HPSE2: variants seen among roughly 807,000 people sequenced by gnomAD.
The protein encoded by HPSE2 is heparanase 2 (inactive), also known as inactive heparanase-2.
A neutral mutation model predicts 60.5 loss-of-function variants in HPSE2; 38 were observed. That is an observed-to-expected ratio of 0.63 (90% CI 0.48 to 0.82). The LOEUF is 0.82. Ranked by LOEUF, HPSE2 falls within the 40% of genes least tolerant of loss-of-function variation. The probability of loss-of-function intolerance (pLI) is 0.00; values close to 1 mark genes in which losing one functional copy is unlikely to be tolerated. For synonymous variants in HPSE2, 295 were observed against 293.2 expected (o/e 1.01, Z -0.06); for missense variants, 713 against 740.4 (o/e 0.96, Z 0.43).
chr10:98,972,857 T>G (rs1335507292), intron 3 of HPSE2, among the ~76,000 whole-genome samples: 1 of 152,160 alleles, frequency 6.6e-6, no homozygotes, highest in African/African-American at 2.4e-5. Context: ...CTCACGTTAA[T>G]GTAGTTCTTC....
rs1024648801 is a variant in HPSE2 at position 98,641,710 on chromosome 10, T to C, written c.1098+137A>G. 32 of 755,212 alleles carry C rather than the reference T, an allele frequency of 4.2e-5. No individual in the cohort carries two copies. In the Middle Eastern group the frequency reaches 9.5e-4, roughly 22 times the overall value. The allele number at this position is 755,212 out of a possible 1,614,324, so 46.8% of individuals were successfully genotyped here. ...AACTGTGATGGGGAGCTTGTGACCA[T>C]GCCCATCTAGACTGCACTATTTTCC... On this transcript the variant is annotated intron_variant, in intron 7 of 11. Transcript: ENST00000370552.
intron 3 of HPSE2, among the ~76,000 whole-genome samples, chr10:98,927,123 G>A (rs1038300891): frequency 6.6e-6 from 1 of 152,052 alleles, no homozygotes; most frequent in Non-Finnish European, 1.5e-5. Flanking sequence ...TATTAGGTCT[G>A]CTTGGTGCAG....
At chr10:98,647,566 G>T (rs1358575966) in intron 6 of HPSE2, among the ~76,000 whole-genome samples, 9 of 152,190 alleles carry the variant, frequency 5.9e-5, no homozygotes, top group Non-Finnish European at 1.5e-5. Context: ...ACTGAAGGGG[G>T]AGAAGCTTGG....
chr10:98,607,372 G>T (rs1236229793), intron 9 of HPSE2, among the ~76,000 whole-genome samples: 1 of 152,174 alleles, frequency 6.6e-6, no homozygotes, highest in Non-Finnish European at 1.5e-5. Flanking sequence ...ATAAATGGCT[G>T]ATGGCAGAGT....
chr10:98,910,327 G>T (rs1953945174), intron 3 of HPSE2, among the ~76,000 whole-genome samples: 2 of 152,052 alleles, frequency 1.3e-5, no homozygotes, highest in African/African-American at 4.8e-5. Context: ...GACTCAAGAA[G>T]GTTTATGAGT....
intron 3 of HPSE2, among the ~76,000 whole-genome samples, chr10:99,084,143 C>T (rs1012718202): frequency 5.3e-5 from 8 of 152,036 alleles, no homozygotes; most frequent in African/African-American, 1.9e-4. Flanking sequence ...CCCTTTGCAG[C>T]AAGGACCATA....
chr10:98,723,469 C>G (rs1309035203), intron 4 of HPSE2, among the ~76,000 whole-genome samples: 3 of 152,142 alleles, frequency 2.0e-5, no homozygotes, highest in African/African-American at 2.4e-5. Flanking sequence ...CAGGATGATG[C>G]TGGCCTCATA....
At chr10:98,960,722 T>A (rs1564692718) in intron 3 of HPSE2, among the ~76,000 whole-genome samples, 2 of 33,658 alleles carry the variant, frequency 5.9e-5, no homozygotes, top group Non-Finnish European at 1.1e-4. Flanking sequence ...TTTTTTTTTG[T>A]TTTATTTTTT....
At chr10:98,522,550 C>T (rs530089165) in intron 9 of HPSE2, among the ~76,000 whole-genome samples, 23 of 152,274 alleles carry the variant, frequency 1.5e-4, no homozygotes, top group Admixed American at 3.3e-4. Flanking sequence ...TCTCAGCTCA[C>T]GGCAACCTCC....
chr10:99,188,067 A>G (rs936722831), intron 2 of HPSE2, among the ~76,000 whole-genome samples: 1 of 152,254 alleles, frequency 6.6e-6, no homozygotes, highest in African/African-American at 2.4e-5. Flanking sequence ...ACTACAGGAC[A>G]TGAGCATCCA....
intron 3 of HPSE2, among the ~76,000 whole-genome samples, chr10:99,055,104 T>C (rs1958081640): frequency 2.6e-5 from 4 of 152,200 alleles, no homozygotes; most frequent in Admixed American, 2.6e-4. Flanking sequence ...TGGAAAATGT[T>C]ATCCATAGTC....
intron 4 of HPSE2, among the ~76,000 whole-genome samples, chr10:98,731,950 C>G (rs1949239344): frequency 6.6e-6 from 1 of 152,042 alleles, no homozygotes; most frequent in Non-Finnish European, 1.5e-5. Context: ...GGAGGGGATA[C>G]AATATCAATT....
intron 3 of HPSE2, among the ~76,000 whole-genome samples, chr10:98,921,034 T>G (rs1201649572): frequency 6.6e-6 from 1 of 152,164 alleles, no homozygotes; most frequent in Non-Finnish European, 1.5e-5. Flanking sequence ...GGCTCTGTAC[T>G]CCTACACACT....
intron 9 of HPSE2, among the ~76,000 whole-genome samples, chr10:98,571,383 G>T (rs1224339127): frequency 6.6e-6 from 1 of 152,118 alleles, no homozygotes; most frequent in South Asian, 2.1e-4. Flanking sequence ...AATCATGGGG[G>T]ATCATACTGC....
upstream of HPSE2, among the ~76,000 whole-genome samples, chr10:99,236,023 AT>A (rs140396926): frequency 3.2e-4 from 30 of 92,646 alleles, no homozygotes; most frequent in African/African-American, 6.8e-4. Flanking sequence ...ATTTTTTTTA[AT>A]TTTTTTTTTC....
At chr10:98,676,012 G>A (rs1947631829) in intron 6 of HPSE2, among the ~76,000 whole-genome samples, 1 of 151,788 alleles carries the variant, frequency 6.6e-6, no homozygotes, top group Admixed American at 6.6e-5. Context: ...CACTGCCTGG[G>A]TGACAGAGTA....
chr10:98,859,946 T>C lies in HPSE2; in HGVS notation c.611-115890A>G, dbSNP rs565960684. ...GATCACATTCATATGCCTATGATTATAATATATTGTTATAATTGTTCTATT... is the reference window on the plus strand; with the variant it reads ...GATCACATTCATATGCCTATGATTACAATATATTGTTATAATTGTTCTATT... On this transcript the variant is annotated intron_variant, in intron 3 of 11. Coordinates refer to ENST00000370552, the MANE Select transcript of HPSE2 (RefSeq NM_021828.5). Among the ~76,000 whole-genome samples, 3 of 152,338 alleles carry C rather than the reference T, an allele frequency of 2.0e-5. No individual in the cohort carries two copies. In the East Asian group the frequency reaches 5.8e-4, roughly 29 times the overall value.
At chr10:98,515,025 G>A (rs776897513) in intron 9 of HPSE2, among the ~76,000 whole-genome samples, 5 of 152,094 alleles carry the variant, frequency 3.3e-5, no homozygotes, top group Non-Finnish European at 7.4e-5. Flanking sequence ...CGCCCAGCCC[G>A]TTATATACTG....
chr10:98,924,679 G>A (rs1757265954), intron 3 of HPSE2: 1 of 152,262 alleles, frequency 6.6e-6, no homozygotes, highest in African/African-American at 2.4e-5. Context: ...GTTTGGGGGA[G>A]GGATGACTTC....
Sources: allele counts gnomAD v4.1 joint callset (sites outside exome capture counted in the v4.1 genomes callset), GRCh38; gene constraint gnomAD v4.1.1; transcripts MANE v1.5; gene names NCBI Gene and HGNC (gene_info 2026-07-23, HGNC 2026-07-21).